FRMD4B: variants seen among roughly 807,000 people sequenced by gnomAD.
The protein encoded by FRMD4B is FERM domain containing 4B, also known as FERM domain-containing protein 4B.
In FRMD4B, 74 loss-of-function variants were observed where a neutral mutation model predicts 141.5. That is an observed-to-expected ratio of 0.52 (90% CI 0.43 to 0.63). FRMD4B has a LOEUF of 0.63. Ranked by LOEUF, FRMD4B falls within the 30% of genes least tolerant of loss-of-function variation. The pLI, the probability that FRMD4B is intolerant of heterozygous loss-of-function variation, is 0.00. For synonymous variants in FRMD4B, 506 were observed against 467.9 expected (o/e 1.08, Z -1.05); for missense variants, 1,366 against 1,253.4 (o/e 1.09, Z -1.36).
intron 2 of FRMD4B, among the ~76,000 whole-genome samples, chr3:69,410,740 T>A (rs1405557179): frequency 0.053 from 749 of 14,160 alleles, 26 homozygotes; most frequent in African/African-American, 0.19. Flanking sequence ...TATATATATA[T>A]ATATATATAT....
chr3:69,173,312 T>A (rs1449162502), intron 22 of FRMD4B, among the ~76,000 whole-genome samples: 2 of 152,192 alleles, frequency 1.3e-5, no homozygotes, highest in Admixed American at 6.5e-5. Context: ...ATGCCAATTG[T>A]ACTAGAAAAA....
At chr3:69,492,012 C>A (rs778087664) in intron 1 of FRMD4B, among the ~76,000 whole-genome samples, 4 of 152,218 alleles carry the variant, frequency 2.6e-5, no homozygotes, top group Admixed American at 1.3e-4. Flanking sequence ...CCAAGACAGT[C>A]GGCCAAGAGC....
chr3:69,457,692 T>C (rs139545268), intron 1 of FRMD4B, among the ~76,000 whole-genome samples: 10 of 152,306 alleles, frequency 6.6e-5, no homozygotes, highest in Admixed American at 6.5e-4. Context: ...CACTGAATTG[T>C]TTCTGAAGCA....
chr3:69,241,896 C>CA (rs869301403), intron 7 of FRMD4B, among the ~76,000 whole-genome samples: 2 of 151,444 alleles, frequency 1.3e-5, no homozygotes, highest in Non-Finnish European at 2.9e-5. Context: ...CAAAACAAAA[C>CA]AAAAAAACCC....
At chr3:69,373,889 G>A (rs2314986) in intron 1 of FRMD4B, among the ~76,000 whole-genome samples, 142,042 of 152,232 alleles carry the variant, frequency 0.93, 66,263 homozygotes, top group East Asian at 0.97. Context: ...TCAATCAATC[G>A]ATTAATAAAT....
chr3:69,408,876 A>G (rs1396245401), intron 2 of FRMD4B, among the ~76,000 whole-genome samples: 3 of 152,100 alleles, frequency 2.0e-5, no homozygotes, highest in African/African-American at 4.8e-5. Flanking sequence ...TGTTTTTTAG[A>G]GAGGCCAGTG....
In FRMD4B at chr3:69,171,759, T is replaced by A; in HGVS notation, c.*102A>T. 1 of 1,130,120 alleles carries A rather than the reference T, an allele frequency of 8.8e-7. No homozygotes were observed. Among genetic ancestry groups the A allele is most frequent in the Non-Finnish European group, 1.3e-6 (1 of 769,170 alleles). 70.0% of individuals were successfully genotyped at this position (1,130,120 alleles called of 1,614,324 possible). On this transcript the variant is annotated 3_prime_UTR_variant, in exon 23 of 23. Coordinates refer to ENST00000398540, the MANE Select transcript of FRMD4B (RefSeq NM_015123.3). The stretch of plus-strand genomic sequence containing the variant: ...TAAGTCTTCTCTTCAACCTTTGATG[T>A]CTTTAGGTTTCTAAAACGAACATCC...
chr3:69,223,111 C>G lies in FRMD4B; in HGVS notation c.666-1188G>C, dbSNP rs1293594830. ...TTTAGGAGAAAACCCTTTTATTGCC[C>G]TAGAGTAAAACTTGTTGACTGGAAA... is the stretch of plus-strand genomic sequence containing the variant. On this transcript the variant is annotated intron_variant, in intron 8 of 22. Transcript: ENST00000398540. Among the ~76,000 whole-genome samples, 5 of 152,122 alleles carry G rather than the reference C, an allele frequency of 3.3e-5. No homozygotes were observed. In the East Asian group the frequency reaches 7.7e-4, roughly 23 times the overall value.
chr3:69,478,400 T>G (rs1379972509), intron 1 of FRMD4B, among the ~76,000 whole-genome samples: 4 of 152,240 alleles, frequency 2.6e-5, no homozygotes, highest in Non-Finnish European at 4.4e-5. Flanking sequence ...TTCTGGTATG[T>G]TGTGTCTTTG....
At chr3:69,272,338 T>C (rs2093598151) in intron 5 of FRMD4B, among the ~76,000 whole-genome samples, 1 of 152,110 alleles carries the variant, frequency 6.6e-6, no homozygotes, top group Non-Finnish European at 1.5e-5. Flanking sequence ...GATGGTTAAA[T>C]TTTGTATTTC....
chr3:69,360,492 T>C (rs1387266013), intron 1 of FRMD4B, among the ~76,000 whole-genome samples: 2 of 151,960 alleles, frequency 1.3e-5, no homozygotes, highest in African/African-American at 4.8e-5. Context: ...TGAATCAAAA[T>C]AAAAAAAAGC....
In FRMD4B at chr3:69,536,563, G is replaced by A. The variant is rs965250675; in HGVS notation, c.-129+5643C>T. 1.3e-5 allele frequency: 9 copies of A among 710,476 alleles called. No individual in the cohort carries two copies. In the African/African-American group the frequency reaches 1.6e-4, roughly 12 times the overall value. The allele number at this position is 710,476 out of a possible 1,614,324, so 44.0% of individuals were successfully genotyped here. A position where few individuals can be genotyped will look rare whatever the true frequency, so the allele number is the denominator to read the frequency against. ...GGGGAATAGGGGGGATGGTGAGAGG[G>A]CAGGAGGCGGCATGCCACCGGGAAG... On this transcript the variant is annotated intron_variant, in intron 1 of 5. Transcript: ENST00000459638.
chr3:69,304,161 G>C (rs1168850509), intron 3 of FRMD4B, among the ~76,000 whole-genome samples: 1 of 132,918 alleles, frequency 7.5e-6, no homozygotes. Context: ...GGACAACAGA[G>C]GGATAACTTG....
At chr3:69,198,835 T>G in intron 11 of FRMD4B, 61 bp from the exon 12 acceptor site, 1 of 808,524 alleles carries the variant, frequency 1.2e-6, no homozygotes, top group East Asian at 2.7e-5. Flanking sequence ...ATTCTATAAA[T>G]CAGCTTAATA....
At chr3:69,322,413 C>T (rs1702027203) in intron 1 of FRMD4B, among the ~76,000 whole-genome samples, 1 of 152,110 alleles carries the variant, frequency 6.6e-6, no homozygotes, top group African/African-American at 2.4e-5. Flanking sequence ...ACAGTGCCTA[C>T]CCTCCCAATG....
At chr3:69,395,670 T>G (rs1226825225) in intron 2 of FRMD4B, among the ~76,000 whole-genome samples, 2 of 152,200 alleles carry the variant, frequency 1.3e-5, no homozygotes, top group African/African-American at 2.4e-5. Flanking sequence ...CTTGCTATCC[T>G]AAAATTAACT....
At chr3:69,446,917 G>C (rs1389154725) in intron 1 of FRMD4B, among the ~76,000 whole-genome samples, 1 of 152,152 alleles carries the variant, frequency 6.6e-6, no homozygotes, top group Non-Finnish European at 1.5e-5. Context: ...GATTGTGTAG[G>C]TAGTGACTGC....
At chr3:69,174,441 G>T (rs895214742) in intron 22 of FRMD4B, among the ~76,000 whole-genome samples, 1 of 152,066 alleles carries the variant, frequency 6.6e-6, no homozygotes, top group Non-Finnish European at 1.5e-5. Context: ...AGAAAAATGG[G>T]GAAAATATGC....
chr3:69,237,162 G>C (rs114040933), intron 7 of FRMD4B, among the ~76,000 whole-genome samples: 1,366 of 109,348 alleles, frequency 0.012, 10 homozygotes, highest in Non-Finnish European at 0.018. Context: ...GACAACTGCA[G>C]GCCGGAGCAC....
Sources: gnomAD v4.1 joint callset for allele counts (sites outside exome capture counted in the v4.1 genomes callset) on GRCh38, gnomAD v4.1.1 for gene constraint, MANE v1.5 for transcripts, NCBI Gene and HGNC (gene_info 2026-07-23, HGNC 2026-07-21) for gene names.